DENND2C: variants seen among roughly 807,000 people sequenced by gnomAD.
DENND2C encodes DENN domain containing 2C.
DENND2C carries 72 observed loss-of-function variants against 112.4 expected under a neutral mutation model. That is an observed-to-expected ratio of 0.64 (90% CI 0.53 to 0.78). DENND2C has a LOEUF of 0.78. DENND2C is among the 30% of genes least tolerant of loss of function. The pLI, the probability that DENND2C is intolerant of heterozygous loss-of-function variation, is 0.00. For missense variants in DENND2C, 992 were observed against 1,113.8 expected (o/e 0.89, Z 1.56); for synonymous variants, 329 against 381.6 (o/e 0.86, Z 1.61).
chr1:114,627,251 CTT>C (rs1473036555), intron 3 of DENND2C, among the ~76,000 whole-genome samples: 1 of 152,210 alleles, frequency 6.6e-6, no homozygotes, highest in East Asian at 1.9e-4. Context: ...CAGCGGAAAA[CTT>C]TTCCTACCAA....
chr1:114,623,543 T>A lies in DENND2C; in HGVS notation c.907A>T (p.Thr303Ser). Residue 303 changes from threonine (T) to serine (S), a missense_variant, in exon 5 of 21, where the codon ACA becomes TCA. Thr to Ser is a moderately conservative substitution (Grantham distance 58, BLOSUM62 1). This residue lies in a region of DENND2C where 470 missense variants were observed against 472.7 expected (regional missense o/e 0.99). Coordinates refer to ENST00000393274, the MANE Select transcript of DENND2C (RefSeq NM_001256404.2). ...GRNSGSALYY[T>S]QSEDNIYEDI... ...TCATAGATATTGTCCTCAGACTGTG[T>A]GTAATAAAGTGCTGACCCAGAATTT... 6.2e-7 allele frequency: 1 copy of A among 1,610,230 alleles called. No homozygotes were observed. Among genetic ancestry groups the A allele is most frequent in the East Asian group, 2.2e-5 (1 of 44,630 alleles).
intron 18 of DENND2C, among the ~76,000 whole-genome samples, chr1:114,592,791 G>A (rs918051482): frequency 1.3e-5 from 2 of 152,036 alleles, no homozygotes; most frequent in Admixed American, 6.6e-5. Flanking sequence ...ATTCTGTCTT[G>A]AACCCTCTCC....
chr1:114,613,338 T>C (rs1655874348), intron 8 of DENND2C, among the ~76,000 whole-genome samples: 1 of 152,168 alleles, frequency 6.6e-6, no homozygotes. Flanking sequence ...TTTCTAGGTG[T>C]GCAAGGAGGA....
At chr1:114,590,353 T>TG (rs1410442968) in intron 18 of DENND2C, among the ~76,000 whole-genome samples, 1 of 152,066 alleles carries the variant, frequency 6.6e-6, no homozygotes, top group East Asian at 1.9e-4. Context: ...TCACAACACT[T>TG]GCACTCCAGC....
chr1:114,658,766 T>G (rs763170908), intron 1 of DENND2C, among the ~76,000 whole-genome samples: 2 of 108,040 alleles, frequency 1.9e-5, no homozygotes, highest in Non-Finnish European at 5.1e-5. Context: ...CAGTACTACT[T>G]TGCAACAGTT....
At chr1:114,608,234 A>G (rs571609342) in intron 10 of DENND2C, among the ~76,000 whole-genome samples, 2 of 151,904 alleles carry the variant, frequency 1.3e-5, no homozygotes. Flanking sequence ...GCACCACTGC[A>G]CTCCAGCCTG....
At chr1:114,623,847 A>G (rs1372816044) in intron 4 of DENND2C, among the ~76,000 whole-genome samples, 2 of 151,980 alleles carry the variant, frequency 1.3e-5, no homozygotes, top group East Asian at 3.9e-4. Flanking sequence ...GCGATTCTAC[A>G]TTGCTGTAGG....
intron 20 of DENND2C, 77 bp from the exon 21 acceptor site, chr1:114,585,708 A>G (rs754042107): frequency 9.6e-6 from 14 of 1,459,336 alleles, no homozygotes; most frequent in East Asian, 2.3e-5. Flanking sequence ...AGGGATTAAC[A>G]GGTCAGTCAT....
chr1:114,653,233 C>T (rs1173665631), intron 2 of DENND2C, among the ~76,000 whole-genome samples: 1 of 151,912 alleles, frequency 6.6e-6, no homozygotes, highest in East Asian at 1.9e-4. Flanking sequence ...CTCAGCCACC[C>T]GAGTTACTGG....
At chr1:114,618,602 T>G (rs1482837480) in intron 7 of DENND2C, 120 bp from the exon 8 acceptor site, 1 of 510,544 alleles carries the variant, frequency 2.0e-6, no homozygotes, top group African/African-American at 2.0e-5. Context: ...AATAGAAACC[T>G]TTACCTTTTT....
chr1:114,661,036 G>A lies in DENND2C; in HGVS notation c.-573-6275C>T, dbSNP rs558128870. Among the ~76,000 whole-genome samples, 8 of 150,850 alleles carry A rather than the reference G, an allele frequency of 5.3e-5. No homozygotes were observed. The South Asian group carries it at 8.4e-4, about 16-fold the overall frequency. ...TGAGGCAGGAGAATCGCTTGAACCC[G>A]GGAGGCGGAGGTTGCAGTGAGCCGG... On this transcript the variant is annotated intron_variant, in intron 1 of 20. Coordinates refer to ENST00000393274, the MANE Select transcript of DENND2C (RefSeq NM_001256404.2).
At chr1:114,665,322 G>A (rs1246574034) in intron 1 of DENND2C, among the ~76,000 whole-genome samples, 1 of 147,654 alleles carries the variant, frequency 6.8e-6, no homozygotes, top group Non-Finnish European at 1.5e-5. Context: ...CAAATAAAGA[G>A]ACAGAAAAAC....
At chr1:114,600,504 A>G in intron 14 of DENND2C, 152 bp from the exon 15 acceptor site, 1 of 1,029,566 alleles carries the variant, frequency 9.7e-7, no homozygotes, top group Non-Finnish European at 1.4e-6. Flanking sequence ...GCCAGGACCC[A>G]ACAGCTTATT....
intron 8 of DENND2C, among the ~76,000 whole-genome samples, chr1:114,617,034 C>G (rs1309716581): frequency 6.6e-6 from 1 of 152,102 alleles, no homozygotes; most frequent in East Asian, 1.9e-4. Context: ...CATCAGTTCT[C>G]GTGAGACTTA....
At chr1:114,614,338 T>G (rs1175806668) in intron 8 of DENND2C, among the ~76,000 whole-genome samples, 1 of 152,134 alleles carries the variant, frequency 6.6e-6, no homozygotes, top group South Asian at 2.1e-4. Context: ...TATTAGGCAT[T>G]GTTGATATAC....
At chr1:114,588,119 A>C (rs1655092193) in intron 18 of DENND2C, among the ~76,000 whole-genome samples, 167 bp from the exon 19 acceptor site, 2 of 152,192 alleles carry the variant, frequency 1.3e-5, no homozygotes, top group Non-Finnish European at 2.9e-5. Flanking sequence ...GACCTAGAAA[A>C]GGCTAATTGC....
At chr1:114,651,994 T>C (rs138972182) in intron 2 of DENND2C, among the ~76,000 whole-genome samples, 1 of 152,054 alleles carries the variant, frequency 6.6e-6, no homozygotes. Context: ...TCCAGGCTGA[T>C]AGATGGCCTG....
chr1:114,604,056 C>T (rs1313517755), intron 11 of DENND2C, among the ~76,000 whole-genome samples: 2 of 152,110 alleles, frequency 1.3e-5, no homozygotes, highest in African/African-American at 4.8e-5. Context: ...GCAGCCAGGC[C>T]ACTATGAAAG....
chr1:114,590,778 C>CAAA lies in DENND2C; in HGVS notation c.2432-2829_2432-2827dup, dbSNP rs33970610. Among the ~76,000 whole-genome samples the CAAA allele has an allele frequency of 4.8e-3, 546 of 112,878 alleles. 24 individuals are homozygous for CAAA. The highest frequency in any genetic ancestry group is 0.025 in the Middle Eastern group (5 of 204). 74.1% of individuals were successfully genotyped at this position (112,878 alleles called of 152,430 possible). On this transcript the variant is annotated intron_variant, in intron 18 of 20. Transcript: ENST00000393274. Reference sequence around the variant, plus strand: ...TGGGCGACAGAGCGAGACTCCGTCTCAAAAAAAAAAAAAAAAAAATTATTG... The same window carrying CAAA: ...TGGGCGACAGAGCGAGACTCCGTCTCAAAAAAAAAAAAAAAAAAAAAATTATTG...
Sources: gnomAD v4.1 joint callset for allele counts (sites outside exome capture counted in the v4.1 genomes callset) on GRCh38, gnomAD v4.1.1 for gene constraint, gnomAD v4.1.1 regional missense constraint, MANE v1.5 for transcripts, NCBI Gene and HGNC (gene_info 2026-07-23, HGNC 2026-07-21) for gene names.